Variants in PCBP2 observed in about 807,000 individuals in gnomAD.
The protein encoded by PCBP2 is poly(rC)-binding protein 2.
PCBP2 carries 4 observed loss-of-function variants against 50.1 expected under a neutral mutation model. That is an observed-to-expected ratio of 0.08 (90% CI 0.04 to 0.18). The LOEUF (loss-of-function observed/expected upper bound fraction) is 0.18. Ranked by LOEUF, PCBP2 falls within the 10% of genes least tolerant of loss-of-function variation. The pLI is 1.00. For synonymous variants in PCBP2, 179 were observed against 168.0 expected (o/e 1.07, Z -0.51); for missense variants, 161 against 474.3 (o/e 0.34, Z 6.14).
chr12:53,465,132 C>G (rs1941728578), intron 9 of PCBP2: 2 of 312,062 alleles, frequency 6.4e-6, no homozygotes, highest in Non-Finnish European at 5.8e-6. Flanking sequence ...TCCACCCCCA[C>G]CTGGGTGTAC....
intron 14 of PCBP2, among the ~76,000 whole-genome samples, chr12:53,479,047 G>C (rs1191816104): frequency 6.6e-6 from 1 of 152,030 alleles, no homozygotes; most frequent in Non-Finnish European, 1.5e-5. Flanking sequence ...AGGAGCCAAA[G>C]TGAGCTCAGC....
chr12:53,454,213 A>G (rs1446118565), intron 1 of PCBP2, among the ~76,000 whole-genome samples: 1 of 152,258 alleles, frequency 6.6e-6, no homozygotes, highest in African/African-American at 2.4e-5. Flanking sequence ...TTAGCCATCA[A>G]CGGTTGAAAT....
At chr12:53,456,785 G>A (rs891156713) in intron 5 of PCBP2, among the ~76,000 whole-genome samples, 5 of 152,182 alleles carry the variant, frequency 3.3e-5, no homozygotes, top group Admixed American at 2.6e-4. Context: ...AGGCTGAACT[G>A]TTGTCCTGGG....
intron 8 of PCBP2, 99 bp downstream of exon 8, chr12:53,462,666 AAC>A: frequency 1.1e-6 from 1 of 887,228 alleles, no homozygotes. Flanking sequence ...TGCTTGCTGA[AAC>A]CTATACTCTG....
intron 8 of PCBP2, among the ~76,000 whole-genome samples, chr12:53,464,306 T>C (rs1453798338): frequency 1.0e-4 from 14 of 136,550 alleles, no homozygotes; most frequent in African/African-American, 2.7e-4. Context: ...TTTGCTTCCC[T>C]ACCCACCCTC....
chr12:53,475,244 G>T (rs1565873888), intron 14 of PCBP2: 1 of 437,120 alleles, frequency 2.3e-6, no homozygotes, highest in East Asian at 7.1e-5. Flanking sequence ...ACCTCCTCCA[G>T]TATTATTTTG....
At chr12:53,461,251 A>G (rs933981883) in intron 7 of PCBP2, 108 bp downstream of exon 7, 7 of 1,274,360 alleles carry the variant, frequency 5.5e-6, no homozygotes, top group East Asian at 2.6e-5. Context: ...TAAGGCTTCC[A>G]GTGGGGGTGG....
At chr12:53,469,270 G>T (rs758930203) in intron 13 of PCBP2, among the ~76,000 whole-genome samples, 3 of 151,832 alleles carry the variant, frequency 2.0e-5, no homozygotes, top group Non-Finnish European at 4.4e-5. Flanking sequence ...CTTTATTTTT[G>T]TTTTTGTTTT....
Position 53,479,468 on chromosome 12 carries a change from C to G in PCBP2, c.*26C>G. The stretch of plus-strand genomic sequence containing the variant: ...AACAATGCAGATTCATCCATAATCC[C>G]TTTCTGCTGTTCACCACCACCCATG... On this transcript the variant is annotated 3_prime_UTR_variant, in exon 15 of 15. Coordinates refer to ENST00000546463, the MANE Select transcript of PCBP2 (RefSeq NM_031989.5). 1.9e-6 allele frequency: 3 copies of G among 1,606,572 alleles called. No homozygotes were observed. Among genetic ancestry groups the G allele is most frequent in the Non-Finnish European group, 2.6e-6 (3 of 1,173,952 alleles).
chr12:53,475,382 A>T, intron 14 of PCBP2: 2 of 347,708 alleles, frequency 5.8e-6, no homozygotes, highest in Non-Finnish European at 1.1e-5. Context: ...GTTTAGGTTT[A>T]GGCCATTTCA....
At chr12:53,460,336 A>G (rs536715371) in intron 6 of PCBP2, 1 of 360,028 alleles carries the variant, frequency 2.8e-6, no homozygotes, top group East Asian at 9.7e-5. Context: ...TGTAGAGACG[A>G]GTCTCACTGT....
chr12:53,470,692 A>G (rs538787018), intron 13 of PCBP2, among the ~76,000 whole-genome samples: 2 of 151,712 alleles, frequency 1.3e-5, no homozygotes, highest in South Asian at 4.2e-4. Context: ...GTAGTGGTTC[A>G]TGAACATCAG....
At chr12:53,472,232 G>A (rs1037770901) in intron 14 of PCBP2, among the ~76,000 whole-genome samples, 1 of 152,202 alleles carries the variant, frequency 6.6e-6, no homozygotes, top group Non-Finnish European at 1.5e-5. Flanking sequence ...CAGCAAGGCA[G>A]TTTCTGGGAG....
At chr12:53,471,982 C>A (rs1332908386) in intron 14 of PCBP2, among the ~76,000 whole-genome samples, 175 bp downstream of exon 14, 1 of 127,682 alleles carries the variant, frequency 7.8e-6, no homozygotes, top group Non-Finnish European at 1.7e-5. Flanking sequence ...AAGTAAACTG[C>A]AGTAAGTTTT....
At chr12:53,456,731 C>T (rs892268282) in intron 5 of PCBP2, among the ~76,000 whole-genome samples, 22 of 152,194 alleles carry the variant, frequency 1.4e-4, no homozygotes, top group African/African-American at 5.3e-4. Context: ...GAAAATACAC[C>T]GGAGGTTTTA....
In PCBP2 at chr12:53,468,764, TTCTG is replaced by T. The variant is rs776649615; in HGVS notation, c.827-9_827-6del. ...CTGTGCATTGAATTTGCTTGCTCTC[TTCTG>T]TCTTTTAGCAGGTTTGGATGCATCT... On this transcript the variant is annotated splice_polypyrimidine_tract_variant and intron_variant, in intron 12 of 14. Transcript: ENST00000546463. 1.2e-6 allele frequency: 2 copies of T among 1,609,214 alleles called. No homozygotes were observed. The highest frequency in any genetic ancestry group is 1.1e-5 in the South Asian group (1 of 90,938).
chr12:53,468,915 C>A, intron 13 of PCBP2, 83 bp downstream of exon 13: 1 of 856,482 alleles, frequency 1.2e-6, no homozygotes, highest in Non-Finnish European at 1.7e-6. Context: ...TGTCCTGCTA[C>A]CCTTTTTTTT....
intron 6 of PCBP2, chr12:53,460,023 T>G (rs1941338321): frequency 3.3e-6 from 1 of 303,550 alleles, no homozygotes; most frequent in South Asian, 2.4e-5. Context: ...GCTCCCAGTG[T>G]TATTACTACA....
At chr12:53,462,946 G>A (rs1303234665) in intron 8 of PCBP2, among the ~76,000 whole-genome samples, 16 of 152,058 alleles carry the variant, frequency 1.1e-4, no homozygotes, top group Non-Finnish European at 2.4e-4. Context: ...TCTGGATGGT[G>A]GTCTCAAAAT....
Sources: gnomAD v4.1 joint callset for allele counts (sites outside exome capture counted in the v4.1 genomes callset) on GRCh38, gnomAD v4.1.1 for gene constraint, MANE v1.5 for transcripts, NCBI Gene and HGNC (gene_info 2026-07-23, HGNC 2026-07-21) for gene names.